The following EPSTI1 variants were observed in gnomAD, a reference collection of about 807,000 sequenced individuals.
EPSTI1 encodes the protein epithelial-stromal interaction protein 1.
A neutral mutation model predicts 49.9 loss-of-function variants in EPSTI1; 66 were observed. The observed-to-expected ratio is 1.32, with a 90% CI of 1.08 to 1.62. The LOEUF (loss-of-function observed/expected upper bound fraction) is 1.62, where lower values mean the gene tolerates loss of function less well. EPSTI1 is among the 40% of genes most tolerant of loss of function. The probability of loss-of-function intolerance (pLI) is 0.00; values close to 1 mark genes in which losing one functional copy is unlikely to be tolerated. For missense variants in EPSTI1, 394 were observed against 365.5 expected, an observed-to-expected ratio of 1.08 and a Z score of -0.64; for synonymous variants, 137 against 130.7, an observed-to-expected ratio of 1.05 and a Z score of -0.33.
intron 7 of EPSTI1, among the ~76,000 whole-genome samples, chr13:42,921,316 T>C (rs959248398): frequency 1.3e-5 from 2 of 152,180 alleles, no homozygotes; most frequent in African/African-American, 4.8e-5. Context: ...GAACCAGTAT[T>C]CAAAGTTAGA....
intron 8 of EPSTI1, among the ~76,000 whole-genome samples, chr13:42,917,063 A>G (rs2037849547): frequency 6.6e-6 from 1 of 152,192 alleles, no homozygotes; most frequent in Non-Finnish European, 1.5e-5. Flanking sequence ...AATGCCTCAC[A>G]TATTTTTATA....
At chr13:42,915,179 C>T (rs1192068969) in intron 8 of EPSTI1, among the ~76,000 whole-genome samples, 1 of 152,154 alleles carries the variant, frequency 6.6e-6, no homozygotes, top group African/African-American at 2.4e-5. Flanking sequence ...AAACATGATC[C>T]TCCTGTTTTC....
At chr13:42,944,165 T>A (rs9525710) in intron 6 of EPSTI1, among the ~76,000 whole-genome samples, 4 of 152,068 alleles carry the variant, frequency 2.6e-5, no homozygotes, top group Non-Finnish European at 5.9e-5. Flanking sequence ...AGTCCCATTA[T>A]CGGGTATATA....
At chr13:42,932,095 A>G (rs2038395419) in intron 6 of EPSTI1, among the ~76,000 whole-genome samples, 2 of 147,432 alleles carry the variant, frequency 1.4e-5, no homozygotes, top group Non-Finnish European at 3.0e-5. Context: ...GCACACCACA[A>G]TGCTCAGCTA....
At position 42,992,055 on chromosome 13, in the gene EPSTI1, C is replaced by G. The variant is rs760650126; in HGVS notation, c.111G>C (p.Val37=). Reference sequence around the variant, plus strand: ...CCTCCAAACCCTCTCTCTGGTCTTCCACGGGGCTCAGCTCCCCTTGCCGCC... The same window carrying G: ...CCTCCAAACCCTCTCTCTGGTCTTCGACGGGGCTCAGCTCCCCTTGCCGCC... ...PSGRQGELSP[V]EDQREGLEAA... Residue 37 remains valine, a synonymous_variant, in exon 1 of 11, where the codon GTG becomes GTC. Transcript: ENST00000313624. The G allele has an allele frequency of 6.2e-7, 1 of 1,613,446 alleles. No homozygotes were observed. The highest frequency in any genetic ancestry group is 1.7e-5 in the Admixed American group (1 of 60,032).
rs752972876 is a variant in EPSTI1 at position 42,992,015 on chromosome 13, GGCCCTTAGGGGCT to G, written c.138_150del (p.Ala47LeufsTer19). The stretch of plus-strand genomic sequence containing the variant: ...GCGTGCACGACGCTCTCCCGCGAAG[GGCCCTTAGGGGCT>G]GCCTCCAAACCCTCTCTCTGGTCTT... On this transcript the variant is annotated frameshift_variant, in exon 1 of 11. Coordinates refer to ENST00000313624, the MANE Select transcript of EPSTI1 (RefSeq NM_033255.5). LOFTEE classifies it high-confidence loss of function. The G allele has an allele frequency of 1.7e-5, 27 of 1,613,358 alleles. No homozygotes were observed. In the South Asian group the frequency reaches 3.0e-4, roughly 18 times the overall value.
At chr13:42,901,480 T>C (rs1036215023) in intron 8 of EPSTI1, among the ~76,000 whole-genome samples, 13 of 152,216 alleles carry the variant, frequency 8.5e-5, no homozygotes, top group Non-Finnish European at 1.9e-4. Flanking sequence ...GGGGAAATCA[T>C]TGAATAATAT....
chr13:42,940,931 T>C (rs999628258), intron 6 of EPSTI1, among the ~76,000 whole-genome samples: 2 of 152,232 alleles, frequency 1.3e-5, no homozygotes, highest in Non-Finnish European at 2.9e-5. Context: ...AGTTGTTATT[T>C]TCTTATTATC....
intron 3 of EPSTI1, among the ~76,000 whole-genome samples, chr13:42,965,362 T>C (rs1275039261): frequency 6.6e-6 from 1 of 152,196 alleles, no homozygotes; most frequent in Non-Finnish European, 1.5e-5. Context: ...TAACCCTAGA[T>C]AATGCATATA....
chr13:42,959,787 G>A (rs2039390011), intron 5 of EPSTI1, among the ~76,000 whole-genome samples: 1 of 152,154 alleles, frequency 6.6e-6, no homozygotes, highest in South Asian at 2.1e-4. Flanking sequence ...CAAGAGGTTG[G>A]GGAATCAAAT....
intron 8 of EPSTI1, among the ~76,000 whole-genome samples, chr13:42,909,436 G>A (rs2037600733): frequency 6.6e-6 from 1 of 152,104 alleles, no homozygotes. Flanking sequence ...CCACTACTGG[G>A]TGTCTATCCA....
Position 42,991,994 on chromosome 13 carries a change from G to C in EPSTI1, c.172C>G (p.His58Asp), listed in dbSNP as rs1470070318. The change falls in exon 1 of 11, where the codon CAC becomes GAC. Residue 58 changes from histidine (H) to aspartate (D), a missense_variant. By Grantham distance (81) the His-to-Asp change is moderately conservative. Transcript: ENST00000313624. ...PKGPSRESVVHAGQRRTSAYT... is the reference protein window; with the variant it reads ...PKGPSRESVVDAGQRRTSAYT... ...AATACTCACCGCCTCTGGCCCGCGT[G>C]CACGACGCTCTCCCGCGAAGGGCCC... The C allele has an allele frequency of 1.2e-6, 2 of 1,612,672 alleles. No homozygotes were observed. The highest frequency in any genetic ancestry group is 1.7e-6 in the Non-Finnish European group (2 of 1,179,812).
intron 10 of EPSTI1, among the ~76,000 whole-genome samples, chr13:42,894,675 GAAA>G (rs61611018): frequency 0.65 from 89,797 of 138,552 alleles, 30,869 homozygotes; most frequent in Non-Finnish European, 0.77. Flanking sequence ...CCATATTTCT[GAAA>G]AAAAAAAAAA....
rs1270199867 is a variant in EPSTI1, at chr13:42,887,224, A to C, written c.*1270T>G. 6.6e-6 allele frequency: 1 copy of C among 152,220 alleles called. No individual in the cohort carries two copies. The highest frequency in any genetic ancestry group is 1.9e-4 in the East Asian group (1 of 5,194). 9.4% of individuals were successfully genotyped at this position (152,220 alleles called of 1,614,324 possible). A position where few individuals can be genotyped will look rare whatever the true frequency, so the allele number is the denominator to read the frequency against. On this transcript the variant is annotated 3_prime_UTR_variant, in exon 11 of 11. Coordinates refer to ENST00000313624, the MANE Select transcript of EPSTI1 (RefSeq NM_033255.5). ...TCAGCTGGCGGAGGAGAGGGAAACC[A>C]AGAATATCCACATTATTTACTCCAG...
intron 7 of EPSTI1, among the ~76,000 whole-genome samples, chr13:42,925,209 G>T (rs2038133351): frequency 6.6e-6 from 1 of 152,144 alleles, no homozygotes; most frequent in African/African-American, 2.4e-5. Flanking sequence ...GGGCCTCTCT[G>T]CTTCTCTATT....
intron 1 of EPSTI1, among the ~76,000 whole-genome samples, chr13:42,986,969 C>G (rs1321998962): frequency 6.6e-6 from 1 of 152,104 alleles, no homozygotes; most frequent in Non-Finnish European, 1.5e-5. Context: ...CACACCCCAC[C>G]ACCTACCCCT....
chr13:42,991,221 T>A (rs1016102661), intron 1 of EPSTI1: 1 of 152,294 alleles, frequency 6.6e-6, no homozygotes, highest in Non-Finnish European at 1.5e-5. Context: ...CATATCACAT[T>A]TCTTGTTGAC....
chr13:42,953,058 A>G (rs1488181615), intron 6 of EPSTI1, among the ~76,000 whole-genome samples: 1 of 152,190 alleles, frequency 6.6e-6, no homozygotes, highest in East Asian at 1.9e-4. Context: ...TGGAGGGCCC[A>G]TTACTGGTTC....
At chr13:42,983,502 T>C (rs1235221532) in intron 1 of EPSTI1, among the ~76,000 whole-genome samples, 1 of 144,750 alleles carries the variant, frequency 6.9e-6, no homozygotes, top group East Asian at 2.0e-4. Flanking sequence ...AGGCGGAGTT[T>C]GCAGTGAGCT....
Sources: gnomAD v4.1 joint callset for allele counts (sites outside exome capture counted in the v4.1 genomes callset) on GRCh38, gnomAD v4.1.1 for gene constraint, MANE v1.5 for transcripts, NCBI Gene and HGNC (gene_info 2026-07-23, HGNC 2026-07-21) for gene names.